FOXN3: variants seen among roughly 807,000 people sequenced by gnomAD.
FOXN3 encodes forkhead box N3.
In FOXN3, 7 loss-of-function variants were observed where a neutral mutation model predicts 38.4. That is an observed-to-expected ratio of 0.18 (90% CI 0.10 to 0.34). FOXN3 has a LOEUF of 0.34. Ranked by LOEUF, FOXN3 falls within the 10% of genes least tolerant of loss-of-function variation. The pLI is 1.00. For missense variants in FOXN3, 456 were observed against 613.4 expected, an observed-to-expected ratio of 0.74 and a Z score of 2.71; for synonymous variants, 230 against 242.2, an observed-to-expected ratio of 0.95 and a Z score of 0.47.
chr14:89,437,932 C>A (rs1386351403), intron 1 of FOXN3, among the ~76,000 whole-genome samples: 1 of 152,170 alleles, frequency 6.6e-6, no homozygotes, highest in Non-Finnish European at 1.5e-5. Context: ...ACATGACAGA[C>A]AATGAGCTAG....
chr14:89,234,453 T>C (rs1884917959), intron 4 of FOXN3, among the ~76,000 whole-genome samples: 1 of 152,116 alleles, frequency 6.6e-6, no homozygotes, highest in African/African-American at 2.4e-5. Flanking sequence ...AAATCTCATG[T>C]TGAATTGAAA....
intron 4 of FOXN3, among the ~76,000 whole-genome samples, chr14:89,252,430 G>A (rs1284952487): frequency 2.0e-5 from 3 of 152,044 alleles, no homozygotes; most frequent in Admixed American, 6.6e-5. Flanking sequence ...CGAGGAGGGC[G>A]GATTACCTGA....
chr14:89,498,149 C>A (rs1893723343), intron 1 of FOXN3, among the ~76,000 whole-genome samples: 1 of 148,840 alleles, frequency 6.7e-6, no homozygotes, highest in African/African-American at 2.5e-5. Context: ...TATCCCTTAT[C>A]AAATATACGA....
intron 2 of FOXN3, among the ~76,000 whole-genome samples, chr14:89,391,527 G>C (rs1370277177): frequency 1.3e-5 from 2 of 152,162 alleles, no homozygotes; most frequent in African/African-American, 4.8e-5. Flanking sequence ...CCAAACAAAG[G>C]CTGCTTCTTC....
At chr14:89,334,006 A>ATATGTATG (rs1240942944) in intron 3 of FOXN3, among the ~76,000 whole-genome samples, 162 of 49,226 alleles carry the variant, frequency 3.3e-3, no homozygotes, top group African/African-American at 9.0e-3. Context: ...ATATATATAT[A>ATATGTATG]TATGTATATA....
intron 1 of FOXN3, among the ~76,000 whole-genome samples, chr14:89,565,255 C>T (rs1374888599): frequency 6.6e-6 from 1 of 152,126 alleles, no homozygotes; most frequent in Non-Finnish European, 1.5e-5. Context: ...GGGCATGGAA[C>T]AGATCCCCTC....
chr14:89,183,446 A>G (rs1887724006), intron 4 of FOXN3, among the ~76,000 whole-genome samples: 2 of 152,208 alleles, frequency 1.3e-5, no homozygotes, highest in Non-Finnish European at 2.9e-5. Context: ...GGTAACTACA[A>G]GCAAGAGGGA....
intron 2 of FOXN3, among the ~76,000 whole-genome samples, chr14:89,368,595 A>C (rs1025158900): frequency 6.6e-6 from 1 of 152,196 alleles, no homozygotes. Flanking sequence ...GCAGTGAGCC[A>C]TGATTGTGCC....
At chr14:89,329,399 C>G (rs1239543605) in intron 3 of FOXN3, among the ~76,000 whole-genome samples, 4 of 152,162 alleles carry the variant, frequency 2.6e-5, no homozygotes, top group Non-Finnish European at 4.4e-5. Flanking sequence ...TGGTCCTCAA[C>G]TGGGGTTGGT....
intron 2 of FOXN3, among the ~76,000 whole-genome samples, chr14:89,410,630 T>G (rs780214976): frequency 7.2e-5 from 11 of 152,178 alleles, no homozygotes; most frequent in Admixed American, 2.0e-4. Flanking sequence ...CCCAGCACTT[T>G]GGGAGGCCGA....
intron 2 of FOXN3, among the ~76,000 whole-genome samples, chr14:89,382,377 G>A (rs1291519279): frequency 6.6e-6 from 1 of 152,060 alleles, no homozygotes; most frequent in African/African-American, 2.4e-5. Flanking sequence ...TTCCCCAGTA[G>A]AGACACAAAA....
In FOXN3 at chr14:89,595,042, C is replaced by T. The variant is rs570968020; in HGVS notation, c.-15+23986G>A. The stretch of plus-strand genomic sequence containing the variant: ...TTAAAAAGTAAGTCTTCCGGCCAGG[C>T]GCAGTGGCTCACGCCTGTAATCCCA... On this transcript the variant is annotated intron_variant, in intron 1 of 6. Coordinates refer to the FOXN3 transcript ENST00000345097. 5.3e-5 allele frequency among the ~76,000 whole-genome samples: 8 copies of T among 152,042 alleles called. No homozygotes were observed. In the East Asian group the frequency reaches 1.4e-3, roughly 26 times the overall value.
intron 4 of FOXN3, among the ~76,000 whole-genome samples, chr14:89,257,007 G>A (rs1303514212): frequency 6.6e-6 from 1 of 152,228 alleles, no homozygotes; most frequent in Non-Finnish European, 1.5e-5. Context: ...AGGTCAGCTA[G>A]TAGGAAATAA....
chr14:89,533,675 A>G (rs1307953004), intron 1 of FOXN3, among the ~76,000 whole-genome samples: 1 of 151,212 alleles, frequency 6.6e-6, no homozygotes, highest in African/African-American at 2.4e-5. Flanking sequence ...AAAAAAAAAA[A>G]AAAAAAAAAA....
chr14:89,370,083 C>CAT (rs3837633), intron 2 of FOXN3, among the ~76,000 whole-genome samples: 94,594 of 151,918 alleles, frequency 0.62, 29,474 homozygotes, highest in Admixed American at 0.68. Flanking sequence ...TGTGCACACA[C>CAT]GTTTTCTTTA....
At chr14:89,496,208 C>T (rs1893680137) in intron 1 of FOXN3, among the ~76,000 whole-genome samples, 1 of 151,916 alleles carries the variant, frequency 6.6e-6, no homozygotes, top group East Asian at 1.9e-4. Flanking sequence ...AGCAAAACTC[C>T]GTCTCAAAAA....
At chr14:89,390,946 C>A (rs907035973) in intron 2 of FOXN3, among the ~76,000 whole-genome samples, 1 of 152,128 alleles carries the variant, frequency 6.6e-6, no homozygotes, top group Non-Finnish European at 1.5e-5. Context: ...ACAGATGAGT[C>A]GAAGACAGGG....
At chr14:89,508,345 T>C (rs187975204) in intron 1 of FOXN3, among the ~76,000 whole-genome samples, 3 of 152,306 alleles carry the variant, frequency 2.0e-5, no homozygotes, top group Admixed American at 6.5e-5. Flanking sequence ...TGTCACAATA[T>C]AGACTTTGTA....
Position 89,204,102 on chromosome 14 carries a change from C to A in FOXN3, c.746-23296G>T, listed in dbSNP as rs74480031. 6.6e-4 allele frequency among the ~76,000 whole-genome samples: 90 copies of A among 135,706 alleles called. 1 individual carries two copies. The highest frequency in any genetic ancestry group is 2.3e-3 in the African/African-American group (78 of 33,922). The allele number at this position is 135,706 out of a possible 152,430, so 89.0% of individuals were successfully genotyped here. The stretch of plus-strand genomic sequence containing the variant: ...ACACACACACACACACACACACACA[C>A]AACTACTACTACAACCACCCACAGG... On this transcript the variant is annotated intron_variant, in intron 4 of 5. Coordinates refer to ENST00000557258, the MANE Select transcript of FOXN3 (RefSeq NM_005197.4).
Sources: gnomAD v4.1 joint callset for allele counts (sites outside exome capture counted in the v4.1 genomes callset) on GRCh38, gnomAD v4.1.1 for gene constraint, MANE v1.5 for transcripts, NCBI Gene and HGNC (gene_info 2026-07-23, HGNC 2026-07-21) for gene names.